Variants in ACSBG2 observed in about 807,000 individuals in gnomAD.
The protein encoded by ACSBG2 is acyl-CoA synthetase bubblegum family member 2.
In ACSBG2, 62 loss-of-function variants were observed where a neutral mutation model predicts 74.7. The ratio of observed to expected loss-of-function variants is 0.83; its 90% CI spans 0.68 to 1.03. The LOEUF is 1.03. ACSBG2 is among the 50% of genes least tolerant of loss of function. The pLI is 0.00. For synonymous variants in ACSBG2, 309 were observed against 294.1 expected, an observed-to-expected ratio of 1.05 and a Z score of -0.52; for missense variants, 730 against 817.6, an observed-to-expected ratio of 0.89 and a Z score of 1.31.
chr19:6,155,245 T>C (rs958969089), intron 4 of ACSBG2, among the ~76,000 whole-genome samples: 1 of 152,106 alleles, frequency 6.6e-6, no homozygotes. Context: ...GATATTTGTA[T>C]GGAAAAATAA....
chr19:6,161,365 A>C (rs2089608224), intron 6 of ACSBG2, 70 bp downstream of exon 6: 2 of 1,472,760 alleles, frequency 1.4e-6, no homozygotes, highest in Admixed American at 3.5e-5. Context: ...GCGTGGCCTA[A>C]GTGGAAGGTG....
intron 4 of ACSBG2, among the ~76,000 whole-genome samples, chr19:6,155,528 G>A (rs2089387848): frequency 6.6e-6 from 1 of 152,074 alleles, no homozygotes; most frequent in Admixed American, 6.5e-5. Context: ...GGTGGCTCAC[G>A]CCTGGAATCC....
rs532726387 is a variant in ACSBG2 at position 6,140,571 on chromosome 19, T to C, written c.-31-942T>C. Among the ~76,000 whole-genome samples the C allele has an allele frequency of 2.0e-5, 3 of 152,160 alleles. No individual in the cohort carries two copies. In the East Asian group the frequency reaches 5.8e-4, roughly 30 times the overall value. On this transcript the variant is annotated intron_variant, in intron 1 of 14. Transcript: ENST00000588485. Reference sequence around the variant, plus strand: ...TACGGTGGCCTGTAATCCCTGCTACTCCGGAGGCTGAGGCACGAGAATTGC... The same window carrying C: ...TACGGTGGCCTGTAATCCCTGCTACCCCGGAGGCTGAGGCACGAGAATTGC...
At chr19:6,145,749 T>C (rs540207551) in intron 2 of ACSBG2, among the ~76,000 whole-genome samples, 1 of 152,330 alleles carries the variant, frequency 6.6e-6, no homozygotes, top group South Asian at 2.1e-4. Context: ...TGGTTTTGAA[T>C]TGGTCCCTTT....
chr19:6,144,394 C>T (rs1436479151), intron 2 of ACSBG2, among the ~76,000 whole-genome samples: 1 of 152,194 alleles, frequency 6.6e-6, no homozygotes, highest in East Asian at 1.9e-4. Flanking sequence ...CGAACCTGCA[C>T]ACACGGAGAA....
chr19:6,185,789 T>G, intron 11 of ACSBG2, 136 bp downstream of exon 11: 2 of 846,958 alleles, frequency 2.4e-6, no homozygotes, highest in Non-Finnish European at 3.7e-6. Context: ...CTCCTCAGTC[T>G]GTACAACCCA....
At position 6,165,879 on chromosome 19, in the gene ACSBG2, T is replaced by C; in HGVS notation, c.602T>C (p.Met201Thr). The change falls in exon 7 of 15, where the codon ATG becomes ACG. Residue 201 changes from methionine to threonine, a missense_variant. By Grantham distance (81) the Met-to-Thr change is moderately conservative. Coordinates refer to ENST00000588485, the MANE Select transcript of ACSBG2 (RefSeq NM_030924.5). ...TTCTGTCCACAGTGGGATGATTTCA[T>C]GGAACTTGGCAGAAGTATCCCTGAC... The part of the protein sequence containing the change: ...NNNLYSWDDF[M>T]ELGRSIPDTQ... 1 of 1,614,088 alleles carries C rather than the reference T, an allele frequency of 6.2e-7. No individual in the cohort carries two copies. Among genetic ancestry groups the C allele is most frequent in the South Asian group, 1.1e-5 (1 of 91,086 alleles).
chr19:6,177,472 T>C (rs1251707709), intron 8 of ACSBG2, 76 bp downstream of exon 8: 1 of 1,464,694 alleles, frequency 6.8e-7, no homozygotes, highest in African/African-American at 1.4e-5. Context: ...TTGTTAATCA[T>C]TCGACAGATT....
intron 3 of ACSBG2, among the ~76,000 whole-genome samples, 168 bp from the exon 4 acceptor site, chr19:6,151,539 G>A (rs1009833450): frequency 1.3e-5 from 2 of 152,034 alleles, no homozygotes; most frequent in African/African-American, 2.4e-5. Flanking sequence ...TCGAACTTCT[G>A]GCCTCAAGCA....
intron 8 of ACSBG2, among the ~76,000 whole-genome samples, chr19:6,178,066 C>T (rs558619118): frequency 1.0e-3 from 152 of 152,140 alleles, no homozygotes; most frequent in African/African-American, 3.4e-3. Flanking sequence ...TTTTATACCA[C>T]CTTTTCTTGA....
chr19:6,139,069 T>C (rs368188220), intron 1 of ACSBG2, among the ~76,000 whole-genome samples: 3 of 148,466 alleles, frequency 2.0e-5, no homozygotes. Context: ...AAGTTCACTT[T>C]ACTTATTTTT....
intron 2 of ACSBG2, 104 bp from the exon 3 acceptor site, chr19:6,147,342 T>A (rs1009073916): frequency 1.2e-6 from 1 of 836,386 alleles, no homozygotes; most frequent in African/African-American, 1.7e-5. Flanking sequence ...GGGGATTAAT[T>A]CAACTCTCAG....
chr19:6,191,937 T>C (rs1600149722), intron 14 of ACSBG2: 1 of 152,096 alleles, frequency 6.6e-6, no homozygotes, highest in African/African-American at 2.4e-5. Context: ...CCATTGGACA[T>C]TGATGTGGGA....
chr19:6,176,395 T>C, intron 7 of ACSBG2: 2 of 1,522,986 alleles, frequency 1.3e-6, no homozygotes, highest in South Asian at 2.5e-5. Flanking sequence ...ATCTCATGCT[T>C]GTCTGTCAGT....
At chr19:6,192,071 C>A (rs1205468005) in intron 14 of ACSBG2, 4 of 57,452 alleles carry the variant, frequency 7.0e-5, no homozygotes, top group African/African-American at 1.7e-4. Context: ...AGCACAGCAC[C>A]AAAAAAAAAA....
chr19:6,161,005 T>C (rs1480078782), intron 5 of ACSBG2, among the ~76,000 whole-genome samples: 2 of 150,896 alleles, frequency 1.3e-5, no homozygotes, highest in African/African-American at 4.9e-5. Flanking sequence ...GAGGCTGAGG[T>C]GGGAGAATGG....
intron 7 of ACSBG2, among the ~76,000 whole-genome samples, chr19:6,167,857 T>C (rs556109735): frequency 3.3e-5 from 5 of 152,300 alleles, no homozygotes; most frequent in Middle Eastern, 3.4e-3. Flanking sequence ...TTGGACTCAA[T>C]TGTATGATGC....
chr19:6,171,045 C>T (rs1192274651), intron 7 of ACSBG2, among the ~76,000 whole-genome samples: 1 of 151,414 alleles, frequency 6.6e-6, no homozygotes, highest in Non-Finnish European at 1.5e-5. Context: ...ACCCTCTCAT[C>T]TTATTTGTTT....
intron 4 of ACSBG2, among the ~76,000 whole-genome samples, 153 bp downstream of exon 4, chr19:6,151,948 T>C (rs941961160): frequency 6.6e-6 from 1 of 152,194 alleles, no homozygotes; most frequent in African/African-American, 2.4e-5. Flanking sequence ...ATCATTCTGA[T>C]CACAGGTCAT....
Sources: gnomAD v4.1 joint callset for allele counts (sites outside exome capture counted in the v4.1 genomes callset) on GRCh38, gnomAD v4.1.1 for gene constraint, MANE v1.5 for transcripts, NCBI Gene and HGNC (gene_info 2026-07-23, HGNC 2026-07-21) for gene names.